The following GMNC variants were observed in gnomAD, a reference collection of about 807,000 sequenced individuals.
GMNC encodes geminin coiled-coil domain-containing protein 1.
Under a neutral mutation model 33.6 loss-of-function variants are expected in GMNC, and 16 were observed. That is an observed-to-expected ratio of 0.48 (90% confidence interval 0.32 to 0.72). The LOEUF is 0.72. Among genes scored for constraint, GMNC ranks in the 30% least tolerant of loss-of-function variants. The pLI, the probability that GMNC is intolerant of heterozygous loss-of-function variation, is 0.03. For synonymous variants in GMNC, 156 were observed against 147.3 expected (o/e 1.06, Z -0.43); for missense variants, 393 against 388.9 (o/e 1.01, Z -0.09).
In GMNC at chr3:190,860,869, C is replaced by G; in HGVS notation, c.4-11G>C. On this transcript the variant is annotated splice_polypyrimidine_tract_variant and intron_variant, in intron 1 of 4. Transcript: ENST00000442080. ...AGGCAGAATGGTGTTCTGTGAAATT[C>G]AGTATGGGGGGAGTGAGGGGTCCCA... The G allele has an allele frequency of 6.6e-7, 1 of 1,522,464 alleles. No individual in the cohort carries two copies. Among genetic ancestry groups the G allele is most frequent in the Non-Finnish European group, 8.9e-7 (1 of 1,128,444 alleles). 94.3% of individuals were successfully genotyped at this position (1,522,464 alleles called of 1,614,324 possible). A position where few individuals can be genotyped will look rare whatever the true frequency, so the allele number is the denominator to read the frequency against.
At chr3:190,851,159 C>A (rs561903813), downstream of GMNC, among the ~76,000 whole-genome samples, 1 of 152,160 alleles carries the variant, frequency 6.6e-6, no homozygotes, top group African/African-American at 2.4e-5. Context: ...GATAATCCTG[C>A]TCAAAATTTT....
Position 190,862,561 on chromosome 3 carries a change from T to C in GMNC, c.3+52A>G. ...ATTCTAAATGCAAAGCTTATTAACTTTCAGAGACCCAAGTTTGCCAGCGGA... is the reference window on the plus strand; with the variant it reads ...ATTCTAAATGCAAAGCTTATTAACTCTCAGAGACCCAAGTTTGCCAGCGGA... On this transcript the variant is annotated intron_variant, in intron 1 of 4. Coordinates refer to ENST00000442080, the MANE Select transcript of GMNC (RefSeq NM_001146686.3). The surrounding 1 kb of genome is among the most constrained non-coding windows in gnomAD (Gnocchi z 4.5). The C allele has an allele frequency of 7.3e-7, 1 of 1,377,496 alleles. No homozygotes were observed. Among genetic ancestry groups the C allele is most frequent in the Non-Finnish European group, 1.0e-6 (1 of 987,838 alleles). The allele number at this position is 1,377,496 out of a possible 1,614,324, so 85.3% of individuals were successfully genotyped here.
rs1350489298 is a variant in GMNC at position 190,852,847 on chromosome 3, C to G, written c.*2448G>C. ...TATTAACTGTGGTTTACCAGAGAGA[C>G]ATGGTGAAGCCATACAAGTAAAACA... On this transcript the variant is annotated 3_prime_UTR_variant, in exon 5 of 5. Transcript: ENST00000442080. The G allele has an allele frequency of 2.0e-5, 3 of 152,120 alleles. No individual in the cohort carries two copies. Among genetic ancestry groups the G allele is most frequent in the Non-Finnish European group, 4.4e-5 (3 of 67,978 alleles). The allele number at this position is 152,120 out of a possible 1,614,324, so 9.4% of individuals were successfully genotyped here.
At chr3:190,851,126 A>G (rs1041306358), downstream of GMNC, among the ~76,000 whole-genome samples, 1 of 152,350 alleles carries the variant, frequency 6.6e-6, no homozygotes, top group East Asian at 1.9e-4. Flanking sequence ...AAATATGGCT[A>G]TATACCTATA....
rs1485588607 is a variant in GMNC at position 190,855,703 on chromosome 3, G to A, written c.597C>T (p.Asp199=). 1.5e-5 allele frequency: 24 copies of A among 1,551,586 alleles called. No individual in the cohort carries two copies. The African/African-American group carries it at 2.3e-4, about 15-fold the overall frequency. The change falls in exon 5 of 5, where the codon GAC becomes GAT. Residue 199 remains aspartate (D), a synonymous_variant. Transcript: ENST00000442080. ...TAGCTGATGAGGTGTCATCGATAGT[G>A]TCAAGGTCTTTTAACCCAAGTGTTT... The part of the protein sequence containing the change: ...VLQTLGLKDL[D]TIDDTSSANY...
Position 190,862,678 on chromosome 3 carries a change from G to C in GMNC, c.-63C>G, listed in dbSNP as rs1388756102. The C allele has an allele frequency of 1.3e-6, 2 of 1,551,386 alleles. No homozygotes were observed. Among genetic ancestry groups the C allele is most frequent in the East Asian group, 2.4e-5 (1 of 40,926 alleles). ...CTCAATTTTTCAGTAAAACCAGTGGGAGCTTTAAATGAGACTGAGGGGAGG... is the reference window on the plus strand; with the variant it reads ...CTCAATTTTTCAGTAAAACCAGTGGCAGCTTTAAATGAGACTGAGGGGAGG... On this transcript the variant is annotated 5_prime_UTR_variant, in exon 1 of 5. Transcript: ENST00000442080. The surrounding 1 kb of genome is among the most constrained non-coding windows in gnomAD (Gnocchi z 4.5).
At chr3:190,849,658 C>A (rs921713241), downstream of GMNC, among the ~76,000 whole-genome samples, 2 of 152,108 alleles carry the variant, frequency 1.3e-5, no homozygotes, top group Non-Finnish European at 2.9e-5. Flanking sequence ...CCTTTCTATG[C>A]CTTATTATTT....
At chr3:190,856,496 A>T (rs1462342361) in intron 4 of GMNC, among the ~76,000 whole-genome samples, 1 of 116,236 alleles carries the variant, frequency 8.6e-6, no homozygotes, top group Non-Finnish European at 1.8e-5. Flanking sequence ...TATATTTATA[A>T]ACAATATTAT....
chr3:190,860,912 G>A, intron 1 of GMNC, 54 bp from the exon 2 acceptor site: 1 of 1,271,922 alleles, frequency 7.9e-7, no homozygotes, highest in East Asian at 2.6e-5. Context: ...GGGTGATGGA[G>A]ATTTAGAAGG....
chr3:190,848,711 C>T (rs149136611), downstream of GMNC, among the ~76,000 whole-genome samples: 479 of 152,242 alleles, frequency 3.1e-3, 2 homozygotes, highest in Non-Finnish European at 3.7e-3. Flanking sequence ...AACATATACA[C>T]GGTCCTTAAA....
downstream of GMNC, among the ~76,000 whole-genome samples, chr3:190,851,074 G>A (rs1035173054): frequency 3.9e-5 from 6 of 152,184 alleles, no homozygotes; most frequent in African/African-American, 1.4e-4. Flanking sequence ...TGAGATGCAA[G>A]TCTCAAATCA....
At chr3:190,847,802 T>C (rs1737575322), downstream of GMNC, among the ~76,000 whole-genome samples, 1 of 152,218 alleles carries the variant, frequency 6.6e-6, no homozygotes, top group Admixed American at 6.5e-5. Flanking sequence ...ATAGGCTCTT[T>C]TCTCATTGTA....
At position 190,862,572 on chromosome 3, in the gene GMNC, A is replaced by C. The variant is rs767207665; in HGVS notation, c.3+41T>G. On this transcript the variant is annotated intron_variant, in intron 1 of 4. Coordinates refer to ENST00000442080, the MANE Select transcript of GMNC (RefSeq NM_001146686.3). This position sits in a 1 kb window ranked among gnomAD's most constrained non-coding sequence, Gnocchi z 4.5. ...AAAGCTTATTAACTTTCAGAGACCC[A>C]AGTTTGCCAGCGGACTAGCTAACGC... is the stretch of plus-strand genomic sequence containing the variant. 6.8e-7 allele frequency: 1 copy of C among 1,474,688 alleles called. No individual in the cohort carries two copies. The highest frequency in any genetic ancestry group is 9.3e-7 in the Non-Finnish European group (1 of 1,076,484). The allele number at this position is 1,474,688 out of a possible 1,614,324, so 91.4% of individuals were successfully genotyped here.
intron 1 of GMNC, 33 bp from the exon 2 acceptor site, chr3:190,860,891 C>T (rs1348868217): frequency 1.4e-5 from 21 of 1,455,032 alleles, no homozygotes; most frequent in Non-Finnish European, 1.9e-5. Context: ...AGTGAGGGGT[C>T]CCAAAAGATG....
intron 2 of GMNC, among the ~76,000 whole-genome samples, chr3:190,860,273 A>C (rs1737832442): frequency 6.6e-6 from 1 of 152,182 alleles, no homozygotes; most frequent in Non-Finnish European, 1.5e-5. Context: ...TCCTCTATGA[A>C]ATAAAAATTA....
intron 3 of GMNC, among the ~76,000 whole-genome samples, chr3:190,858,594 C>T (rs1406548253): frequency 1.3e-5 from 2 of 152,196 alleles, no homozygotes; most frequent in Non-Finnish European, 2.9e-5. Flanking sequence ...AATACTGTCA[C>T]ACTCATTATA....
chr3:190,854,221 T>C lies in GMNC; in HGVS notation c.*1074A>G, dbSNP rs2108529510. The C allele has an allele frequency of 6.6e-6, 1 of 152,224 alleles. No individual in the cohort carries two copies. Among genetic ancestry groups the C allele is most frequent in the Middle Eastern group, 3.4e-3 (1 of 294 alleles). 9.4% of individuals were successfully genotyped at this position (152,224 alleles called of 1,614,324 possible). ...CTAGTCCAACTTCTGTATTCTACAGTTGGGAAACTGAACCTTCACAAAAGG... is the reference window on the plus strand; with the variant it reads ...CTAGTCCAACTTCTGTATTCTACAGCTGGGAAACTGAACCTTCACAAAAGG... On this transcript the variant is annotated 3_prime_UTR_variant, in exon 5 of 5. Transcript: ENST00000442080.
At chr3:190,856,377 A>T (rs1285469498) in intron 4 of GMNC, among the ~76,000 whole-genome samples, 1 of 142,540 alleles carries the variant, frequency 7.0e-6, no homozygotes, top group African/African-American at 2.6e-5. Flanking sequence ...ATTTAGAAAT[A>T]GATATATTTA....
chr3:190,854,281 G>C lies in GMNC; in HGVS notation c.*1014C>G, dbSNP rs1194923063. 1 of 152,120 alleles carries C rather than the reference G, an allele frequency of 6.6e-6. No individual in the cohort carries two copies. Among genetic ancestry groups the C allele is most frequent in the Non-Finnish European group, 1.5e-5 (1 of 68,018 alleles). 9.4% of individuals were successfully genotyped at this position (152,120 alleles called of 1,614,324 possible). A position where few individuals can be genotyped will look rare whatever the true frequency, so the allele number is the denominator to read the frequency against. ...TTCGCAAAGTCATAGCAGATGAGTA[G>C]GTCTAAGTCTCATGATGGTGGCCAC... On this transcript the variant is annotated 3_prime_UTR_variant, in exon 5 of 5. Coordinates refer to ENST00000442080, the MANE Select transcript of GMNC (RefSeq NM_001146686.3).
Sources: allele counts gnomAD v4.1 joint callset (sites outside exome capture counted in the v4.1 genomes callset), GRCh38; gene constraint gnomAD v4.1.1; non-coding constraint Gnocchi (gnomAD v3.1); transcripts MANE v1.5; gene names NCBI Gene and HGNC (gene_info 2026-07-23, HGNC 2026-07-21).